The following ST3GAL3 variants were observed in gnomAD, a reference collection of about 807,000 sequenced individuals.
ST3GAL3 encodes the protein ST3 beta-galactoside alpha-2,3-sialyltransferase 3, also known as CMP-N-acetylneuraminate-beta-1,4-galactoside alpha-2,3-sialyltransferase.
Under a neutral mutation model 50.1 loss-of-function variants are expected in ST3GAL3, and 21 were observed. The observed-to-expected ratio is 0.42, with a 90% CI of 0.30 to 0.60. ST3GAL3 has a LOEUF of 0.60. ST3GAL3 is among the 20% of genes least tolerant of loss of function. ST3GAL3 has a pLI of 0.19. For synonymous variants in ST3GAL3, 183 were observed against 190.0 expected (o/e 0.96, Z 0.30); for missense variants, 353 against 489.4 (o/e 0.72, Z 2.63).
At chr1:43,796,494 T>TC in intron 3 of ST3GAL3, among the ~76,000 whole-genome samples, 1 of 152,272 alleles carries the variant, frequency 6.6e-6, no homozygotes, top group African/African-American at 2.4e-5. Flanking sequence ...ACTGCCCAAG[T>TC]CCCAGACTGG....
intron 4 of ST3GAL3, among the ~76,000 whole-genome samples, chr1:43,834,759 A>C (rs900325124): frequency 1.3e-5 from 2 of 152,148 alleles, no homozygotes; most frequent in Non-Finnish European, 2.9e-5. Context: ...GTCACACAGC[A>C]TGTGTGTCCC....
chr1:43,742,798 G>C (rs1329186658), intron 2 of ST3GAL3, among the ~76,000 whole-genome samples: 2 of 152,170 alleles, frequency 1.3e-5, no homozygotes, highest in African/African-American at 4.8e-5. Flanking sequence ...TGAAATGGAA[G>C]TTTCACTTAA....
intron 5 of ST3GAL3, among the ~76,000 whole-genome samples, chr1:43,857,568 T>TTCC (rs1558604954): frequency 5.5e-4 from 19 of 34,428 alleles, no homozygotes; most frequent in South Asian, 2.1e-3. Flanking sequence ...TCCTTCCTTC[T>TTCC]TTCTTTCCTT....
intron 1 of ST3GAL3, among the ~76,000 whole-genome samples, chr1:43,728,293 C>T (rs1433216229): frequency 6.6e-6 from 1 of 152,006 alleles, no homozygotes; most frequent in East Asian, 1.9e-4. Context: ...GAGCTGAAAT[C>T]GCACCATTGC....
chr1:43,912,329 G>A (rs1456893317), intron 9 of ST3GAL3: 2 of 152,134 alleles, frequency 1.3e-5, no homozygotes, highest in East Asian at 3.9e-4. Context: ...TTTTATAGGA[G>A]AGGATGATGA....
At chr1:43,921,190 T>A (rs2082975427) in intron 11 of ST3GAL3, among the ~76,000 whole-genome samples, 1 of 152,040 alleles carries the variant, frequency 6.6e-6, no homozygotes, top group Admixed American at 6.6e-5. Flanking sequence ...GGAACACTAG[T>A]CTAGCACCAG....
Position 43,857,586 on chromosome 1 carries a change from C to CCCTTCCTT in ST3GAL3, c.302+19319_302+19326dup, listed in dbSNP as rs1178598580. Among the ~76,000 whole-genome samples, 226 of 85,976 alleles carry CCCTTCCTT rather than the reference C, an allele frequency of 2.6e-3. 3 individuals are homozygous for CCCTTCCTT. Among genetic ancestry groups the CCCTTCCTT allele is most frequent in the South Asian group, 2.9e-3 (6 of 2,070 alleles). The allele number at this position is 85,976 out of a possible 152,430, so 56.4% of individuals were successfully genotyped here. A position where few individuals can be genotyped will look rare whatever the true frequency, so the allele number is the denominator to read the frequency against. ...TTCCTTCTTTCTTTCCTTCCTCCCT[C>CCCTTCCTT]CCTTCCTTCCTTCCTTCCTTCCTTC... On this transcript the variant is annotated intron_variant, in intron 5 of 11. Transcript: ENST00000347631.
intron 4 of ST3GAL3, among the ~76,000 whole-genome samples, chr1:43,831,302 G>A (rs538118223): frequency 1.3e-5 from 2 of 152,324 alleles, no homozygotes; most frequent in South Asian, 4.2e-4. Flanking sequence ...GGTAGACAGG[G>A]CCCTGGCCAA....
At chr1:43,716,209 G>A (rs747748723) in intron 1 of ST3GAL3, among the ~76,000 whole-genome samples, 1 of 152,172 alleles carries the variant, frequency 6.6e-6, no homozygotes, top group African/African-American at 2.4e-5. Context: ...GTTTATTTTG[G>A]AAGGGCAGCT....
chr1:43,865,654 C>T (rs2071154001), intron 5 of ST3GAL3, among the ~76,000 whole-genome samples: 1 of 152,078 alleles, frequency 6.6e-6, no homozygotes, highest in Admixed American at 6.6e-5. Context: ...GCCACAAATA[C>T]ACAGAAAGGA....
chr1:43,849,075 A>T (rs979192245), intron 5 of ST3GAL3, among the ~76,000 whole-genome samples: 7 of 152,096 alleles, frequency 4.6e-5, no homozygotes, highest in Non-Finnish European at 8.8e-5. Context: ...TTATTGGCAA[A>T]TTGCCCTTCA....
chr1:43,889,252 T>C (rs982915483), intron 5 of ST3GAL3, among the ~76,000 whole-genome samples: 15 of 151,982 alleles, frequency 9.9e-5, no homozygotes, highest in Middle Eastern at 3.4e-3. Context: ...TATTTACTTA[T>C]ATCAAGAAAA....
intron 1 of ST3GAL3, among the ~76,000 whole-genome samples, chr1:43,725,835 C>T (rs954437147): frequency 1.4e-4 from 22 of 151,836 alleles, no homozygotes; most frequent in African/African-American, 2.7e-4. Flanking sequence ...TTTGTAGAGA[C>T]GGTTTCGCTA....
In ST3GAL3 at chr1:43,889,302, G is replaced by T. The variant is rs113499865; in HGVS notation, c.303-5081G>T. ...ACTAATAAAAATGAATACTGTATGG[G>T]ACTAGAAGTAACGGGACAGAGATGA... On this transcript the variant is annotated intron_variant, in intron 5 of 11. Coordinates refer to ENST00000347631, the MANE Select transcript of ST3GAL3 (RefSeq NM_006279.5). Among the ~76,000 whole-genome samples, 653 of 152,094 alleles carry T rather than the reference G, an allele frequency of 4.3e-3. 10 individuals are homozygous for T. The highest frequency in any genetic ancestry group is 0.015 in the African/African-American group (609 of 41,486).
intron 1 of ST3GAL3, among the ~76,000 whole-genome samples, chr1:43,717,174 C>G (rs1667804232): frequency 1.3e-5 from 2 of 152,210 alleles, no homozygotes. Context: ...CTCATAACAT[C>G]TGTTCCTTGT....
chr1:43,863,901 A>G (rs927800654), intron 5 of ST3GAL3, among the ~76,000 whole-genome samples: 7 of 152,200 alleles, frequency 4.6e-5, no homozygotes, highest in Non-Finnish European at 1.0e-4. Flanking sequence ...AGAGACCCCA[A>G]GTATTCTGCC....
At chr1:43,757,647 T>C (rs1688613839) in intron 2 of ST3GAL3, among the ~76,000 whole-genome samples, 1 of 152,178 alleles carries the variant, frequency 6.6e-6, no homozygotes, top group South Asian at 2.1e-4. Context: ...TAACTTGAAA[T>C]GGATCATGCA....
intron 1 of ST3GAL3, among the ~76,000 whole-genome samples, chr1:43,724,030 G>A (rs1368778293): frequency 1.3e-5 from 2 of 152,072 alleles, no homozygotes; most frequent in East Asian, 1.9e-4. Context: ...ATGTAAGAAA[G>A]CCTAAGATAG....
intron 5 of ST3GAL3, among the ~76,000 whole-genome samples, chr1:43,885,243 G>C (rs2154259865): frequency 6.6e-6 from 1 of 152,074 alleles, no homozygotes; most frequent in Non-Finnish European, 1.5e-5. Context: ...CATCTATGCT[G>C]TGAGAGACAC....
Sources: gnomAD v4.1 joint callset for allele counts (sites outside exome capture counted in the v4.1 genomes callset) on GRCh38, gnomAD v4.1.1 for gene constraint, MANE v1.5 for transcripts, NCBI Gene and HGNC (gene_info 2026-07-23, HGNC 2026-07-21) for gene names.